NEK11: variants seen among roughly 807,000 people sequenced by gnomAD.
NEK11 encodes the protein serine/threonine-protein kinase Nek11.
A neutral mutation model predicts 80.7 loss-of-function variants in NEK11; 72 were observed. That is an observed-to-expected ratio of 0.89 (90% CI 0.74 to 1.08). The LOEUF (loss-of-function observed/expected upper bound fraction) is 1.08, where lower values mean the gene tolerates loss of function less well. NEK11 is among the 50% of genes least tolerant of loss of function. The pLI is 0.00. For synonymous variants in NEK11, 251 were observed against 260.7 expected (o/e 0.96, Z 0.36); for missense variants, 764 against 763.6 (o/e 1.00, Z -0.01).
Position 131,269,690 on chromosome 3 carries a change from C to G in NEK11, c.1622-3788C>G, listed in dbSNP as rs180885578. 2.8e-4 allele frequency among the ~76,000 whole-genome samples: 42 copies of G among 152,258 alleles called. No individual in the cohort carries two copies. The East Asian group carries it at 7.5e-3, about 27-fold the overall frequency. On this transcript the variant is annotated intron_variant, in intron 16 of 17. Transcript: ENST00000383366. The stretch of plus-strand genomic sequence containing the variant: ...TTCCTATTCGGCCATCTTGCCCATT[C>G]CATCCAAAAGTAGTTTTTGAAAATT...
At chr3:131,192,015 G>T (rs996944364) in intron 14 of NEK11, among the ~76,000 whole-genome samples, 5 of 152,050 alleles carry the variant, frequency 3.3e-5, no homozygotes, top group Non-Finnish European at 7.4e-5. Context: ...CCCACAGAAC[G>T]GGAGAGAATA....
intron 17 of NEK11, among the ~76,000 whole-genome samples, chr3:131,280,549 C>A (rs1228155114): frequency 6.6e-6 from 1 of 152,118 alleles, no homozygotes; most frequent in Non-Finnish European, 1.5e-5. Flanking sequence ...TTGACTGGAA[C>A]ATTCAGTGTA....
chr3:131,203,555 T>A (rs2094324699), intron 14 of NEK11, among the ~76,000 whole-genome samples: 1 of 150,000 alleles, frequency 6.7e-6, no homozygotes, highest in African/African-American at 2.4e-5. Flanking sequence ...TTTGTGCACA[T>A]GTACCCTAAA....
intron 17 of NEK11, among the ~76,000 whole-genome samples, chr3:131,290,313 A>G (rs979028503): frequency 1.3e-5 from 2 of 152,210 alleles, no homozygotes. Flanking sequence ...GTCAAAAATG[A>G]GAGGCAAGAG....
At chr3:131,336,783 C>A (rs2097192513) in intron 17 of NEK11, among the ~76,000 whole-genome samples, 1 of 151,812 alleles carries the variant, frequency 6.6e-6, no homozygotes. Flanking sequence ...AAAAAAACAA[C>A]CGCATCAAAA....
At chr3:131,303,583 T>G (rs2096686387) in intron 17 of NEK11, among the ~76,000 whole-genome samples, 1 of 152,072 alleles carries the variant, frequency 6.6e-6, no homozygotes, top group Admixed American at 6.6e-5. Flanking sequence ...TTTTTGTTGT[T>G]GTTGTGTTTT....
At chr3:131,076,090 A>G (rs534082063) in intron 3 of NEK11, among the ~76,000 whole-genome samples, 1 of 152,310 alleles carries the variant, frequency 6.6e-6, no homozygotes, top group Non-Finnish European at 1.5e-5. Flanking sequence ...TAGGTCACAC[A>G]TCAGCACCCA....
intron 12 of NEK11, among the ~76,000 whole-genome samples, chr3:131,167,685 A>T (rs2092354317): frequency 1.3e-5 from 2 of 152,156 alleles, no homozygotes; most frequent in African/African-American, 4.8e-5. Context: ...TACTCCACAG[A>T]ACATGGGAGC....
At chr3:131,255,916 C>T (rs1308991494) in intron 16 of NEK11, among the ~76,000 whole-genome samples, 2 of 152,160 alleles carry the variant, frequency 1.3e-5, no homozygotes, top group East Asian at 3.9e-4. Flanking sequence ...TTCTATACCT[C>T]ACTTCCATTT....
chr3:131,125,680 C>G (rs2083204773), intron 5 of NEK11, among the ~76,000 whole-genome samples: 1 of 152,142 alleles, frequency 6.6e-6, no homozygotes, highest in Admixed American at 6.5e-5. Context: ...TAGTACAGCA[C>G]ATAACATCTA....
At chr3:131,203,765 GTGTATA>G (rs2094344324) in intron 14 of NEK11, among the ~76,000 whole-genome samples, 2 of 104,314 alleles carry the variant, frequency 1.9e-5, no homozygotes, top group Non-Finnish European at 3.7e-5. Context: ...GTGTGTGTGT[GTGTATA>G]TATATATATA....
chr3:131,318,699 C>A (rs1208972838), intron 17 of NEK11, among the ~76,000 whole-genome samples: 1 of 150,494 alleles, frequency 6.6e-6, no homozygotes, highest in African/African-American at 2.4e-5. Context: ...CATATATGAT[C>A]TCATCCATAT....
At chr3:131,339,364 A>C (rs1379767150) in intron 17 of NEK11, among the ~76,000 whole-genome samples, 2 of 152,196 alleles carry the variant, frequency 1.3e-5, no homozygotes, top group Non-Finnish European at 2.9e-5. Flanking sequence ...GTTAGTCTAC[A>C]TTGCAGATGA....
intron 3 of NEK11, among the ~76,000 whole-genome samples, chr3:131,040,800 T>C (rs1340066456): frequency 3.9e-5 from 6 of 152,206 alleles, no homozygotes; most frequent in Non-Finnish European, 7.4e-5. Context: ...TTTGGAACAT[T>C]GAATTTCTGA....
intron 17 of NEK11, among the ~76,000 whole-genome samples, chr3:131,336,842 C>A (rs2097193828): frequency 6.6e-6 from 1 of 152,206 alleles, no homozygotes; most frequent in Non-Finnish European, 1.5e-5. Flanking sequence ...GACATTTATG[C>A]AGCCAAAAGA....
chr3:131,155,558 A>T (rs1384857314), intron 10 of NEK11, among the ~76,000 whole-genome samples: 1 of 152,196 alleles, frequency 6.6e-6, no homozygotes, highest in Non-Finnish European at 1.5e-5. Context: ...CACTTTCTTG[A>T]AATATACATT....
rs143292573 is a variant in NEK11, at chr3:131,287,826, G to C, written c.1718+14252G>C. On this transcript the variant is annotated intron_variant, in intron 17 of 17. Coordinates refer to ENST00000383366, the MANE Select transcript of NEK11 (RefSeq NM_024800.5). ...GCCCTTGGAGAACGCTATTATACCA[G>C]TAATATTATGTAAGGAAGGCTGAGA... Among the ~76,000 whole-genome samples, 1,182 of 152,224 alleles carry C rather than the reference G, an allele frequency of 7.8e-3. 17 individuals carry two copies. Among genetic ancestry groups the C allele is most frequent in the African/African-American group, 0.027 (1,108 of 41,516 alleles).
chr3:131,236,505 G>A (rs981196771), intron 15 of NEK11, among the ~76,000 whole-genome samples: 1 of 152,104 alleles, frequency 6.6e-6, no homozygotes, highest in African/African-American at 2.4e-5. Flanking sequence ...CGAGAACCTG[G>A]GCATTAATAA....
intron 17 of NEK11, among the ~76,000 whole-genome samples, chr3:131,301,322 A>T (rs1394489567): frequency 5.3e-5 from 8 of 152,168 alleles, no homozygotes; most frequent in Admixed American, 3.3e-4. Context: ...TATTATCTAC[A>T]AACAGATAGT....
Sources: gnomAD v4.1 joint callset for allele counts (sites outside exome capture counted in the v4.1 genomes callset) on GRCh38, gnomAD v4.1.1 for gene constraint, MANE v1.5 for transcripts, NCBI Gene and HGNC (gene_info 2026-07-23, HGNC 2026-07-21) for gene names.